GUCY1A2: variants seen among roughly 807,000 people sequenced by gnomAD.
GUCY1A2 encodes guanylate cyclase 1 soluble subunit alpha 2.
A neutral mutation model predicts 63.5 loss-of-function variants in GUCY1A2; 27 were observed. The observed-to-expected ratio is 0.43, with a 90% CI of 0.31 to 0.59. The LOEUF (loss-of-function observed/expected upper bound fraction) is 0.59. Ranked by LOEUF, GUCY1A2 falls within the 20% of genes least tolerant of loss-of-function variation. The pLI, the probability that GUCY1A2 is intolerant of heterozygous loss-of-function variation, is 0.11. For synonymous variants in GUCY1A2, 364 were observed against 343.5 expected, an observed-to-expected ratio of 1.06 and a Z score of -0.66; for missense variants, 768 against 913.3, an observed-to-expected ratio of 0.84 and a Z score of 2.05.
At chr11:106,964,634 G>A (rs1339452330) in intron 3 of GUCY1A2, among the ~76,000 whole-genome samples, 1 of 152,156 alleles carries the variant, frequency 6.6e-6, no homozygotes, top group East Asian at 1.9e-4. Context: ...AATATTGTCA[G>A]TGCTCACTCT....
At chr11:106,736,288 T>C (rs1198539279) in intron 6 of GUCY1A2, among the ~76,000 whole-genome samples, 1 of 152,172 alleles carries the variant, frequency 6.6e-6, no homozygotes, top group African/African-American at 2.4e-5. Context: ...AAATCTTTAA[T>C]CTATTTTGAT....
chr11:106,759,985 G>C lies in GUCY1A2; in HGVS notation c.1836+16454C>G, dbSNP rs1864037765. On this transcript the variant is annotated intron_variant, in intron 6 of 7. Transcript: ENST00000526355. ...GACACAGATACATCCATGCCCACAG[G>C]GAGAATGCCATGTAAAGATTGGATT... 2.0e-5 allele frequency among the ~76,000 whole-genome samples: 3 copies of C among 152,238 alleles called. No homozygotes were observed. The South Asian group carries it at 6.2e-4, about 32-fold the overall frequency.
At chr11:106,916,914 C>T (rs1323691278) in intron 4 of GUCY1A2, among the ~76,000 whole-genome samples, 1 of 145,308 alleles carries the variant, frequency 6.9e-6, no homozygotes, top group Non-Finnish European at 1.5e-5. Flanking sequence ...GAATTGAATA[C>T]CAATCATTCC....
chr11:106,998,991 T>A (rs780832127), intron 1 of GUCY1A2, among the ~76,000 whole-genome samples: 1 of 152,150 alleles, frequency 6.6e-6, no homozygotes, highest in Non-Finnish European at 1.5e-5. Flanking sequence ...ATCACTGCTA[T>A]ATAGTCATCA....
At chr11:106,835,349 G>A (rs1399375072) in intron 4 of GUCY1A2, among the ~76,000 whole-genome samples, 2 of 151,566 alleles carry the variant, frequency 1.3e-5, no homozygotes, top group African/African-American at 4.8e-5. Flanking sequence ...AACTAGAACT[G>A]GAAGATCTAA....
rs188275821 is a variant in GUCY1A2 at position 106,898,013 on chromosome 11, C to A, written c.1206+41447G>T. Among the ~76,000 whole-genome samples, 67 of 152,076 alleles carry A rather than the reference C, an allele frequency of 4.4e-4. No individual in the cohort carries two copies. The South Asian group carries it at 5.4e-3, about 12-fold the overall frequency. ...TTAAAACTCAATATTAGGGAAACAA[C>A]CCAATTAAAAAACAGAACAAATATC... On this transcript the variant is annotated intron_variant, in intron 4 of 7. Transcript: ENST00000526355.
intron 6 of GUCY1A2, among the ~76,000 whole-genome samples, chr11:106,760,086 T>A (rs1292805464): frequency 6.6e-6 from 1 of 152,150 alleles, no homozygotes; most frequent in African/African-American, 2.4e-5. Flanking sequence ...TGTCTTCAAA[T>A]AAAACATGTC....
At chr11:106,953,704 G>A (rs997101104) in intron 3 of GUCY1A2, among the ~76,000 whole-genome samples, 4 of 151,940 alleles carry the variant, frequency 2.6e-5, no homozygotes, top group African/African-American at 9.7e-5. Flanking sequence ...TTTAGAGCTT[G>A]TTATTGGTCT....
intron 5 of GUCY1A2, among the ~76,000 whole-genome samples, chr11:106,778,341 T>A (rs1864396934): frequency 6.6e-6 from 1 of 152,234 alleles, no homozygotes; most frequent in Non-Finnish European, 1.5e-5. Flanking sequence ...CACTTCCACA[T>A]CTTTCTGCTT....
At chr11:106,937,865 A>T (rs1413286520) in intron 4 of GUCY1A2, among the ~76,000 whole-genome samples, 1 of 152,232 alleles carries the variant, frequency 6.6e-6, no homozygotes, top group Non-Finnish European at 1.5e-5. Flanking sequence ...AACTTGTATG[A>T]TAAAAACATT....
chr11:106,699,251 AAATGGTGCCATTTTT>A (rs1482805486), intron 7 of GUCY1A2, among the ~76,000 whole-genome samples: 2 of 152,216 alleles, frequency 1.3e-5, no homozygotes, highest in African/African-American at 4.8e-5. Context: ...AGGCCACTAG[AAATGGTGCCATTTTT>A]AATGGAGAAA....
intron 1 of GUCY1A2, among the ~76,000 whole-genome samples, chr11:106,988,393 A>G (rs1289141650): frequency 1.3e-5 from 2 of 152,200 alleles, no homozygotes; most frequent in Non-Finnish European, 2.9e-5. Flanking sequence ...TCTGGTCATA[A>G]AACATGGAAC....
intron 4 of GUCY1A2, chr11:106,825,011 C>T (rs12798567): frequency 1.1e-5 from 18 of 1,577,002 alleles, no homozygotes; most frequent in African/African-American, 2.7e-5. Flanking sequence ...GTATATGCCA[C>T]TATTTTTGTA....
intron 5 of GUCY1A2, among the ~76,000 whole-genome samples, chr11:106,795,493 C>T (rs1864740833): frequency 6.6e-6 from 1 of 152,174 alleles, no homozygotes; most frequent in Non-Finnish European, 1.5e-5. Flanking sequence ...TTAAGAACAG[C>T]ATTATCTTAA....
At position 106,940,116 on chromosome 11, in the gene GUCY1A2, C is replaced by T. The variant is rs1313859382; in HGVS notation, c.550G>A (p.Glu184Lys). 3.1e-6 allele frequency: 5 copies of T among 1,612,502 alleles called. No individual in the cohort carries two copies. The highest frequency in any genetic ancestry group is 4.2e-6 in the Non-Finnish European group (5 of 1,178,828). The change falls in exon 4 of 8, where the codon GAG (glutamate) becomes AAG (lysine). Residue 184 changes from glutamate (E) to lysine (K), a missense_variant. Physicochemically the swap from Glu to Lys is moderately conservative, Grantham distance 56 (BLOSUM62 1). Around this residue, in one of 3 missense-constraint regions of GUCY1A2, gnomAD observed 496 missense variants for 486.9 expected, o/e 1.02. Coordinates refer to ENST00000526355, the MANE Select transcript of GUCY1A2 (RefSeq NM_000855.3). The stretch of plus-strand genomic sequence containing the variant: ...ACAGCTCGAAGGACTCTCTCATTCT[C>T]ATGAAAGCATATATTAAAGAACTCT... ...GEEFFNICFH[E>K]NERVLRAVGG...
At chr11:106,745,161 A>G (rs1462297233) in intron 6 of GUCY1A2, among the ~76,000 whole-genome samples, 1 of 152,224 alleles carries the variant, frequency 6.6e-6, no homozygotes, top group African/African-American at 2.4e-5. Flanking sequence ...ATTCACAATA[A>G]GTGCAACAAG....
intron 5 of GUCY1A2, among the ~76,000 whole-genome samples, chr11:106,780,667 G>T (rs116510138): frequency 7.9e-5 from 12 of 152,290 alleles, no homozygotes; most frequent in Admixed American, 2.6e-4. Context: ...TATGCTTAAT[G>T]TATAGAGAAT....
At chr11:106,762,417 T>C (rs1864081472) in intron 6 of GUCY1A2, among the ~76,000 whole-genome samples, 1 of 152,146 alleles carries the variant, frequency 6.6e-6, no homozygotes, top group Admixed American at 6.5e-5. Flanking sequence ...ATTCAGTTTA[T>C]TGAGCATGAA....
In GUCY1A2 at chr11:107,009,580, A is replaced by G. The variant is rs1383336685; in HGVS notation, c.303+8173T>C. On this transcript the variant is annotated intron_variant, in intron 1 of 7. Transcript: ENST00000526355. ...TGAACATAAACATAAGCAGTTAACA[A>G]AACATCCTCGGGAAAAACGGGCAGA... 2.0e-5 allele frequency among the ~76,000 whole-genome samples: 3 copies of G among 152,230 alleles called. No individual in the cohort carries two copies. The East Asian group carries it at 5.8e-4, about 29-fold the overall frequency.
Sources: allele counts gnomAD v4.1 joint callset (sites outside exome capture counted in the v4.1 genomes callset), GRCh38; gene constraint gnomAD v4.1.1; regional missense constraint gnomAD v4.1.1; transcripts MANE v1.5; gene names NCBI Gene and HGNC (gene_info 2026-07-23, HGNC 2026-07-21).